NAA25: variants seen among roughly 807,000 people sequenced by gnomAD.
The protein encoded by NAA25 is N-alpha-acetyltransferase 25, NatB auxiliary subunit.
In NAA25, 30 loss-of-function variants were observed where a neutral mutation model predicts 132.5. That is an observed-to-expected ratio of 0.23 (90% CI 0.17 to 0.31). The LOEUF is 0.31. Among genes scored for constraint, NAA25 ranks in the 10% least tolerant of loss-of-function variants. The pLI, the probability that NAA25 is intolerant of heterozygous loss-of-function variation, is 1.00. For missense variants in NAA25, 771 were observed against 1,150.4 expected (o/e 0.67, Z 4.77); for synonymous variants, 359 against 401.9 (o/e 0.89, Z 1.28).
At position 112,071,985 on chromosome 12, in the gene NAA25, T is replaced by C. The variant is rs746698842; in HGVS notation, c.946A>G (p.Ser316Gly). ...TGTGGTCCTCGGAGATGGCGAGAACTTTTAGATTCTTCCGTTATCCGATCT... is the reference window on the plus strand; with the variant it reads ...TGTGGTCCTCGGAGATGGCGAGAACCTTTAGATTCTTCCGTTATCCGATCT... The part of the protein sequence containing the change: ...IEDRITEESK[S>G]SRHLRGPHLA... Residue 316 changes from serine (S) to glycine (G), a missense_variant, in exon 10 of 24, where the codon AGT becomes GGT. Ser to Gly is a moderately conservative substitution (Grantham distance 56). Around this residue, in one of 3 missense-constraint regions of NAA25, gnomAD observed 417 missense variants for 733.8 expected, o/e 0.57. Transcript: ENST00000261745. The C allele has an allele frequency of 3.1e-6, 5 of 1,613,984 alleles. No homozygotes were observed. In the East Asian group the frequency reaches 1.1e-4, roughly 36 times the overall value.
intron 2 of NAA25, among the ~76,000 whole-genome samples, chr12:112,091,244 GAAA>G (rs754405360): frequency 2.3e-5 from 3 of 131,294 alleles, no homozygotes; most frequent in Non-Finnish European, 3.3e-5. Context: ...ATCCTGTCTC[GAAA>G]AAAAAAAAAA....
intron 1 of NAA25, among the ~76,000 whole-genome samples, chr12:112,102,996 T>C (rs2079316210): frequency 1.3e-5 from 2 of 148,598 alleles, no homozygotes; most frequent in South Asian, 4.3e-4. Flanking sequence ...CCCTATTTTT[T>C]ATTTTTTTGA....
chr12:112,059,160 C>T (rs1334477944), intron 13 of NAA25, among the ~76,000 whole-genome samples: 1 of 136,604 alleles, frequency 7.3e-6, no homozygotes, highest in African/African-American at 2.6e-5. Flanking sequence ...GTAAACCCAT[C>T]TACTCTGAGG....
rs564972030 is a variant in NAA25, at chr12:112,092,064, C to A, written c.144+987G>T. Reference sequence around the variant, plus strand: ...GACCATCCTGGCTAACACGGTGAAACCCCGTCTCTACTAAAAATACAAAAA... The same window carrying A: ...GACCATCCTGGCTAACACGGTGAAAACCCGTCTCTACTAAAAATACAAAAA... On this transcript the variant is annotated intron_variant, in intron 2 of 23. Transcript: ENST00000261745. Among the ~76,000 whole-genome samples, 67 of 152,012 alleles carry A rather than the reference C, an allele frequency of 4.4e-4. 1 individual carries two copies. Among genetic ancestry groups the A allele is most frequent in the Non-Finnish European group, 2.8e-4 (19 of 67,994 alleles).
intron 5 of NAA25, among the ~76,000 whole-genome samples, chr12:112,079,691 T>C (rs1031733874): frequency 1.3e-5 from 2 of 152,174 alleles, no homozygotes; most frequent in African/African-American, 4.8e-5. Context: ...ACACTACTTT[T>C]AAATCCTTCC....
chr12:112,070,547 T>C (rs115633206), intron 10 of NAA25, among the ~76,000 whole-genome samples: 157 of 152,326 alleles, frequency 1.0e-3, no homozygotes, highest in African/African-American at 3.7e-3. Context: ...TTGACTTTAT[T>C]GTTTTTGACT....
intron 15 of NAA25, among the ~76,000 whole-genome samples, chr12:112,050,717 AT>A (rs1045546017): frequency 3.9e-5 from 6 of 152,244 alleles, no homozygotes; most frequent in South Asian, 4.1e-4. Flanking sequence ...TTAAAGGGAA[AT>A]TTTTAAGAAG....
chr12:112,069,143 C>G (rs1365217494), intron 10 of NAA25, 151 bp from the exon 11 acceptor site: 1 of 592,652 alleles, frequency 1.7e-6, no homozygotes, highest in Non-Finnish European at 3.0e-6. Context: ...ACTACTTGTT[C>G]AGTTACAGAC....
rs550084699 is a variant in NAA25 at position 112,056,928 on chromosome 12, G to A, written c.1448-2360C>T. On this transcript the variant is annotated intron_variant, in intron 13 of 23. Coordinates refer to ENST00000261745, the MANE Select transcript of NAA25 (RefSeq NM_024953.4). ...AAATCGGCTGGGTGTGGTGGCTCAC[G>A]CCTGAAATCCCAGCACTTTGGGAGG... 2.6e-5 allele frequency among the ~76,000 whole-genome samples: 4 copies of A among 152,266 alleles called. No homozygotes were observed. In the South Asian group the frequency reaches 6.2e-4, roughly 24 times the overall value.
At chr12:112,047,596 T>C in intron 17 of NAA25, 69 bp downstream of exon 17, 1 of 1,562,884 alleles carries the variant, frequency 6.4e-7, no homozygotes, top group Non-Finnish European at 8.7e-7. Flanking sequence ...AGCTATGATC[T>C]TGGTCTCTTT....
intron 1 of NAA25, among the ~76,000 whole-genome samples, chr12:112,100,090 T>C (rs1036388476): frequency 7.9e-5 from 12 of 152,216 alleles, no homozygotes; most frequent in Non-Finnish European, 4.4e-5. Context: ...ATACCTACCA[T>C]GTGCAAGATT....
chr12:112,107,931 G>A (rs138739022), intron 1 of NAA25, among the ~76,000 whole-genome samples: 156 of 152,304 alleles, frequency 1.0e-3, no homozygotes, highest in African/African-American at 3.5e-3. Context: ...AGGTCTTCAA[G>A]TCTGCGGGTT....
At chr12:112,029,827 G>A (rs188031323) in intron 23 of NAA25, among the ~76,000 whole-genome samples, 174 bp from the exon 24 acceptor site, 4 of 152,226 alleles carry the variant, frequency 2.6e-5, no homozygotes, top group South Asian at 4.1e-4. Flanking sequence ...AGGTCATCAC[G>A]AATGGGTATT....
chr12:112,091,217 G>A (rs996301965), intron 2 of NAA25, among the ~76,000 whole-genome samples: 23 of 151,312 alleles, frequency 1.5e-4, no homozygotes, highest in Admixed American at 8.6e-4. Flanking sequence ...GCACTCCAGC[G>A]TGGGTGACAG....
chr12:112,042,221 C>A, intron 19 of NAA25, 117 bp from the exon 20 acceptor site: 2 of 405,374 alleles, frequency 4.9e-6, no homozygotes, highest in Non-Finnish European at 8.6e-6. Flanking sequence ...TCTCTACAGA[C>A]CCTTATGCAT....
chr12:112,053,804 A>C (rs1275312610), intron 14 of NAA25, 147 bp from the exon 15 acceptor site: 1 of 403,980 alleles, frequency 2.5e-6, no homozygotes, highest in African/African-American at 2.2e-5. Flanking sequence ...AAATGATCTA[A>C]TTCACCAGTT....
At position 112,078,246 on chromosome 12, in the gene NAA25, G is replaced by A; in HGVS notation, c.606C>T (p.Ile202=). The part of the protein sequence containing the change: ...AEAEVELYYM[I]LERLGKYQEA... Reference sequence around the variant, plus strand: ...CCTGGTACTTTCCCAAACGTTCCAGGATCATATAATAAAGTTCAACCTTAC... The same window carrying A: ...CCTGGTACTTTCCCAAACGTTCCAGAATCATATAATAAAGTTCAACCTTAC... The change falls in exon 7 of 24, where the codon ATC becomes ATT. Residue 202 remains isoleucine, a synonymous_variant. Transcript: ENST00000261745. 6.2e-7 allele frequency: 1 copy of A among 1,608,130 alleles called. No homozygotes were observed. Among genetic ancestry groups the A allele is most frequent in the Non-Finnish European group, 8.5e-7 (1 of 1,177,696 alleles).
At chr12:112,062,779 G>A (rs968212504) in intron 11 of NAA25, among the ~76,000 whole-genome samples, 7 of 151,822 alleles carry the variant, frequency 4.6e-5, no homozygotes, top group African/African-American at 1.7e-4. Flanking sequence ...AAGAGGCCGG[G>A]AGCAGTGACT....
At chr12:112,045,790 G>T (rs59208060) in intron 17 of NAA25, among the ~76,000 whole-genome samples, 1 of 151,874 alleles carries the variant, frequency 6.6e-6, no homozygotes, top group African/African-American at 2.4e-5. Flanking sequence ...GACAGACTAG[G>T]TCTCAAAAAT....
Sources: gnomAD v4.1 joint callset for allele counts (sites outside exome capture counted in the v4.1 genomes callset) on GRCh38, gnomAD v4.1.1 for gene constraint, gnomAD v4.1.1 regional missense constraint, MANE v1.5 for transcripts, NCBI Gene and HGNC (gene_info 2026-07-23, HGNC 2026-07-21) for gene names.